PALLD: variants seen among roughly 807,000 people sequenced by gnomAD.
PALLD encodes the protein palladin.
PALLD carries 61 observed loss-of-function variants against 123.5 expected under a neutral mutation model. The ratio of observed to expected loss-of-function variants is 0.49; its 90% CI spans 0.40 to 0.61. PALLD has a LOEUF of 0.61. Among genes scored for constraint, PALLD ranks in the 20% least tolerant of loss-of-function variants. The pLI is 0.00. For missense variants in PALLD, 1,273 were observed against 1,377.0 expected (o/e 0.92, Z 1.20); for synonymous variants, 465 against 496.4 (o/e 0.94, Z 0.84).
At chr4:168,762,500 G>A (rs942479443) in intron 10 of PALLD, among the ~76,000 whole-genome samples, 1 of 152,154 alleles carries the variant, frequency 6.6e-6, no homozygotes, top group Non-Finnish European at 1.5e-5. Context: ...CCATTCTCTG[G>A]CGATCATTAA....
chr4:168,876,339 C>CA (rs1158005330), intron 10 of PALLD, among the ~76,000 whole-genome samples: 1 of 152,208 alleles, frequency 6.6e-6, no homozygotes. Flanking sequence ...ACCACACAGA[C>CA]ATCTGGAACT....
At chr4:168,807,716 T>C (rs1740438090) in intron 10 of PALLD, among the ~76,000 whole-genome samples, 1 of 152,050 alleles carries the variant, frequency 6.6e-6, no homozygotes, top group Non-Finnish European at 1.5e-5. Context: ...GCCTCGTTTT[T>C]TCCTTTGAGA....
chr4:168,833,652 A>G (rs575014264), intron 10 of PALLD, among the ~76,000 whole-genome samples: 8 of 151,934 alleles, frequency 5.3e-5, no homozygotes, highest in Non-Finnish European at 1.0e-4. Context: ...CTTAACTCCC[A>G]CTACCTAAGG....
intron 10 of PALLD, among the ~76,000 whole-genome samples, chr4:168,720,390 G>T (rs972782030): frequency 1.3e-5 from 2 of 152,164 alleles, no homozygotes; most frequent in Admixed American, 6.5e-5. Context: ...CATTATCCTC[G>T]AAGGCTAGTC....
chr4:168,616,134 C>T (rs1774203761), intron 2 of PALLD, among the ~76,000 whole-genome samples: 2 of 152,066 alleles, frequency 1.3e-5, no homozygotes, highest in Admixed American at 1.3e-4. Context: ...AAAAAAAAAT[C>T]TGTCATCAGA....
intron 2 of PALLD, among the ~76,000 whole-genome samples, chr4:168,623,304 G>C (rs536170946): frequency 1.3e-5 from 2 of 152,182 alleles, no homozygotes; most frequent in Non-Finnish European, 2.9e-5. Flanking sequence ...GAATCTGGAA[G>C]TAGTTGTTTA....
At chr4:168,619,011 G>A (rs993834244) in intron 2 of PALLD, among the ~76,000 whole-genome samples, 3 of 152,186 alleles carry the variant, frequency 2.0e-5, no homozygotes, top group Non-Finnish European at 2.9e-5. Flanking sequence ...AGTTTTAAAG[G>A]ATGTGGATGC....
In PALLD at chr4:168,711,771, T is replaced by C; in HGVS notation, c.1812T>C (p.Asn604=). Residue 604 remains asparagine (N), a synonymous_variant, in exon 10 of 22, where the codon AAT becomes AAC. Coordinates refer to ENST00000505667, the MANE Select transcript of PALLD (RefSeq NM_001166108.2). ...GGGCAGCCCTTCAAATGCAATTCAA[T>C]GCTGCTGAGAGGGAAACGAACGGAG... is the stretch of plus-strand genomic sequence containing the variant. The part of the protein sequence containing the change: ...LSRAALQMQF[N]AAERETNGVH... The C allele has an allele frequency of 1.9e-6, 3 of 1,614,092 alleles. No homozygotes were observed. The highest frequency in any genetic ancestry group is 2.5e-6 in the Non-Finnish European group (3 of 1,180,020).
At chr4:168,557,531 A>G (rs1329535289) in intron 2 of PALLD, among the ~76,000 whole-genome samples, 1 of 152,224 alleles carries the variant, frequency 6.6e-6, no homozygotes, top group East Asian at 1.9e-4. Flanking sequence ...AGGCATAATC[A>G]ATATGTTGGA....
chr4:168,818,756 C>A (rs901953375), intron 10 of PALLD, among the ~76,000 whole-genome samples: 1 of 152,070 alleles, frequency 6.6e-6, no homozygotes, highest in Non-Finnish European at 1.5e-5. Context: ...GTCAAATACA[C>A]AGAATATTCT....
At chr4:168,519,911 T>A (rs965851141) in intron 2 of PALLD, among the ~76,000 whole-genome samples, 9 of 152,214 alleles carry the variant, frequency 5.9e-5, no homozygotes, top group Admixed American at 6.5e-5. Flanking sequence ...AATCTTTTTT[T>A]TTTTCTGTGT....
chr4:168,691,312 T>C lies in PALLD; in HGVS notation c.1501+20T>C. 6.4e-7 allele frequency: 1 copy of C among 1,563,570 alleles called. No individual in the cohort carries two copies. The highest frequency in any genetic ancestry group is 1.7e-5 in the Admixed American group (1 of 57,854). On this transcript the variant is annotated intron_variant, in intron 8 of 21. Transcript: ENST00000505667. ...AACCTGGTAAGAATATTTTTAGGGT[T>C]TTTTTTTTTGGTGGTGGGGGAGCAG...
intron 10 of PALLD, among the ~76,000 whole-genome samples, chr4:168,798,972 A>T (rs531618808): frequency 6.6e-4 from 101 of 152,344 alleles, no homozygotes; most frequent in Non-Finnish European, 1.4e-3. Context: ...CGAATCATGA[A>T]TCGGGCAGCC....
chr4:168,828,878 G>A (rs574100754), intron 10 of PALLD: 2 of 152,356 alleles, frequency 1.3e-5, no homozygotes, highest in East Asian at 1.9e-4. Flanking sequence ...CACTCCTGAC[G>A]AAATAAAAGT....
chr4:168,608,499 G>C (rs933200902), intron 2 of PALLD, among the ~76,000 whole-genome samples: 6 of 152,184 alleles, frequency 3.9e-5, no homozygotes, highest in African/African-American at 1.4e-4. Flanking sequence ...AATACATAAT[G>C]TAAGCGTTCA....
chr4:168,499,506 T>C (rs947777445), intron 1 of PALLD, among the ~76,000 whole-genome samples: 2 of 151,206 alleles, frequency 1.3e-5, no homozygotes, highest in East Asian at 3.9e-4. Flanking sequence ...CTAATATTTG[T>C]ATCAATGGTT....
intron 10 of PALLD, among the ~76,000 whole-genome samples, chr4:168,860,079 G>T (rs1475890002): frequency 1.3e-5 from 2 of 152,172 alleles, no homozygotes; most frequent in Non-Finnish European, 2.9e-5. Flanking sequence ...GACAGTGCAG[G>T]TCTGGAGGAT....
intron 2 of PALLD, among the ~76,000 whole-genome samples, chr4:168,567,299 T>A (rs1768491670): frequency 6.6e-6 from 1 of 151,966 alleles, no homozygotes; most frequent in Admixed American, 6.6e-5. Flanking sequence ...ATAATTGGAA[T>A]CTACAAGAAA....
chr4:168,904,323 A>C (rs1757167195), intron 15 of PALLD: 1 of 181,602 alleles, frequency 5.5e-6, no homozygotes, highest in Non-Finnish European at 1.2e-5. Flanking sequence ...ACAAAGTAAA[A>C]TATTTTAAAA....
Sources: allele counts gnomAD v4.1 joint callset (sites outside exome capture counted in the v4.1 genomes callset), GRCh38; gene constraint gnomAD v4.1.1; transcripts MANE v1.5; gene names NCBI Gene and HGNC (gene_info 2026-07-23, HGNC 2026-07-21).